Variants in TACC1 observed in about 807,000 individuals in gnomAD.
TACC1 encodes the protein transforming acidic coiled-coil-containing protein 1.
In TACC1, 48 loss-of-function variants were observed where a neutral mutation model predicts 84.4. The observed-to-expected ratio is 0.57, with a 90% CI of 0.45 to 0.72. The LOEUF (loss-of-function observed/expected upper bound fraction) is 0.72. Ranked by LOEUF, TACC1 falls within the 30% of genes least tolerant of loss-of-function variation. The pLI, the probability that TACC1 is intolerant of heterozygous loss-of-function variation, is 0.00. For synonymous variants in TACC1, 372 were observed against 376.3 expected (o/e 0.99, Z 0.13); for missense variants, 920 against 973.0 (o/e 0.95, Z 0.72).
Position 38,834,316 on chromosome 8 carries a change from G to A in TACC1, c.1714-1846G>A, listed in dbSNP as rs533501521. On this transcript the variant is annotated intron_variant, in intron 6 of 12. Coordinates refer to ENST00000317827, the MANE Select transcript of TACC1 (RefSeq NM_006283.3). Reference sequence around the variant, plus strand: ...CTTGCCACGTGGGCCTTTCCCTGTAGCTTCTCAAAACATGGAAGTCAGAGT... The same window carrying A: ...CTTGCCACGTGGGCCTTTCCCTGTAACTTCTCAAAACATGGAAGTCAGAGT... Among the ~76,000 whole-genome samples, 3 of 152,322 alleles carry A rather than the reference G, an allele frequency of 2.0e-5. No homozygotes were observed. The South Asian group carries it at 6.2e-4, about 32-fold the overall frequency.
At chr8:38,794,560 GTT>G (rs1343055713) in intron 2 of TACC1, among the ~76,000 whole-genome samples, 3 of 127,824 alleles carry the variant, frequency 2.3e-5, no homozygotes, top group East Asian at 2.1e-4. Context: ...GTGTGTGTTT[GTT>G]TGTGTGTGTG....
At chr8:38,796,991 A>T (rs1018461291) in intron 2 of TACC1, among the ~76,000 whole-genome samples, 3 of 152,238 alleles carry the variant, frequency 2.0e-5, no homozygotes, top group Admixed American at 6.5e-5. Flanking sequence ...CTGGGACTGC[A>T]GTTGTTTAAA....
At chr8:38,846,487 G>T in intron 11 of TACC1, 1 of 466,322 alleles carries the variant, frequency 2.1e-6, no homozygotes, top group South Asian at 3.3e-5. Flanking sequence ...ATTTGCTAGT[G>T]AGATACAAAT....
intron 3 of TACC1, chr8:38,745,625 C>G (rs1240050562): frequency 1.1e-5 from 6 of 563,066 alleles, no homozygotes; most frequent in African/African-American, 9.5e-5. Context: ...CTCACTGCAG[C>G]CTCTGCCTCC....
At chr8:38,731,690 A>C (rs1246282888) in intron 1 of TACC1, among the ~76,000 whole-genome samples, 4 of 152,200 alleles carry the variant, frequency 2.6e-5, no homozygotes, top group Non-Finnish European at 5.9e-5. Context: ...GAGACAGCCT[A>C]GGACCTTCAG....
At chr8:38,797,644 C>T (rs772009740) in intron 2 of TACC1, among the ~76,000 whole-genome samples, 1 of 152,240 alleles carries the variant, frequency 6.6e-6, no homozygotes, top group Non-Finnish European at 1.5e-5. Context: ...ATCAGCTTCT[C>T]AGCTCCATGT....
intron 4 of TACC1, among the ~76,000 whole-genome samples, chr8:38,825,653 ATC>A (rs1465973321): frequency 6.6e-6 from 1 of 152,168 alleles, no homozygotes; most frequent in Non-Finnish European, 1.5e-5. Flanking sequence ...CGAAGGGAAG[ATC>A]TGAAATACTG....
intron 3 of TACC1, among the ~76,000 whole-genome samples, chr8:38,746,587 T>C (rs1323025576): frequency 6.6e-6 from 1 of 152,256 alleles, no homozygotes; most frequent in Non-Finnish European, 1.5e-5. Context: ...TTTTCCACTC[T>C]GTTACTCATT....
chr8:38,766,000 G>A (rs1339149509), intron 3 of TACC1, among the ~76,000 whole-genome samples: 2 of 152,096 alleles, frequency 1.3e-5, no homozygotes, highest in African/African-American at 2.4e-5. Flanking sequence ...GCTTTGTCAG[G>A]CATACATTTT....
At chr8:38,752,168 A>G (rs2151748497) in intron 3 of TACC1, among the ~76,000 whole-genome samples, 1 of 152,174 alleles carries the variant, frequency 6.6e-6, no homozygotes, top group Non-Finnish European at 1.5e-5. Context: ...TATTTTTCCA[A>G]TGTTTAAAGA....
Position 38,836,143 on chromosome 8 carries a change from G to A in TACC1, c.1714-19G>A. ...GAAGCTGAAAGCTGACAGATTCAGT[G>A]TAATCCCTTTCCCCACAGGGGCTGC... On this transcript the variant is annotated intron_variant, in intron 6 of 12. Transcript: ENST00000317827. 1.2e-6 allele frequency: 2 copies of A among 1,612,272 alleles called. No homozygotes were observed. The highest frequency in any genetic ancestry group is 1.7e-6 in the Non-Finnish European group (2 of 1,179,196).
rs983671292 is a variant in TACC1 at position 38,851,366 on chromosome 8, G to C, written c.*3343G>C. The C allele has an allele frequency of 6.5e-6, 1 of 152,724 alleles. No homozygotes were observed. The highest frequency in any genetic ancestry group is 2.1e-4 in the South Asian group (1 of 4,862). 9.5% of individuals were successfully genotyped at this position (152,724 alleles called of 1,614,324 possible). On this transcript the variant is annotated 3_prime_UTR_variant, in exon 13 of 13. Coordinates refer to ENST00000317827, the MANE Select transcript of TACC1 (RefSeq NM_006283.3). The stretch of plus-strand genomic sequence containing the variant: ...CCTGAATTCACTCTAATTATAAACA[G>C]GGAGTGTAAACTGCCCCCAGATGTT...
Position 38,846,814 on chromosome 8 carries a change from C to T in TACC1, c.2344C>T (p.Gln782Ter). 6.2e-7 allele frequency: 1 copy of T among 1,614,094 alleles called. No homozygotes were observed. Among genetic ancestry groups the T allele is most frequent in the Non-Finnish European group, 8.5e-7 (1 of 1,179,976 alleles). Reference sequence around the variant, plus strand: ...GGAGTCCCTGGAAAGGGCCCTGCAGCAGAAGGTACAGAAAGGGACCTGATC... The same window carrying T: ...GGAGTCCCTGGAAAGGGCCCTGCAGTAGAAGGTACAGAAAGGGACCTGATC... ...KVESLERALQ[Q>*]KNQEIEELTK... Residue 782 changes from glutamine (Q) to a stop codon, truncating the protein, a stop_gained, in exon 12 of 13, where the codon CAG becomes TAG. Transcript: ENST00000317827. LOFTEE classifies it high-confidence loss of function.
At chr8:38,734,438 C>T (rs989476988) in intron 1 of TACC1, among the ~76,000 whole-genome samples, 9 of 152,212 alleles carry the variant, frequency 5.9e-5, no homozygotes, top group African/African-American at 1.7e-4. Flanking sequence ...TCAGGTGATC[C>T]GCCCTCGTTG....
At chr8:38,809,574 T>A (rs1471855865) in intron 2 of TACC1, among the ~76,000 whole-genome samples, 1 of 150,700 alleles carries the variant, frequency 6.6e-6, no homozygotes, top group Non-Finnish European at 1.5e-5. Context: ...CTTAAAGGAG[T>A]GGGTATATGT....
chr8:38,809,938 T>G (rs1002088093), intron 2 of TACC1, among the ~76,000 whole-genome samples: 1 of 152,144 alleles, frequency 6.6e-6, no homozygotes, highest in African/African-American at 2.4e-5. Flanking sequence ...AGTAAATGTT[T>G]AGGAGTCCAT....
At chr8:38,747,795 A>G (rs1808339882) in intron 3 of TACC1, among the ~76,000 whole-genome samples, 2 of 152,344 alleles carry the variant, frequency 1.3e-5, no homozygotes, top group South Asian at 4.1e-4. Flanking sequence ...TACATTAGAC[A>G]TTTGTCAAAA....
At chr8:38,760,046 A>C (rs954925657) in intron 3 of TACC1, among the ~76,000 whole-genome samples, 7 of 152,276 alleles carry the variant, frequency 4.6e-5, no homozygotes, top group Admixed American at 1.3e-4. Flanking sequence ...AAAAAAAAAA[A>C]ATACATGAAA....
chr8:38,753,747 A>G (rs961494714), intron 3 of TACC1, among the ~76,000 whole-genome samples: 3 of 152,198 alleles, frequency 2.0e-5, no homozygotes, highest in Non-Finnish European at 4.4e-5. Context: ...AGTAAACAAC[A>G]TAAAGCAAAA....
Sources: gnomAD v4.1 joint callset for allele counts (sites outside exome capture counted in the v4.1 genomes callset) on GRCh38, gnomAD v4.1.1 for gene constraint, MANE v1.5 for transcripts, NCBI Gene and HGNC (gene_info 2026-07-23, HGNC 2026-07-21) for gene names.